Variants in CNTN5 observed in about 807,000 individuals in gnomAD.
The protein encoded by CNTN5 is contactin 5, also known as contactin-5.
In CNTN5, 77 loss-of-function variants were observed where a neutral mutation model predicts 129.1. The observed-to-expected ratio is 0.60, with a 90% CI of 0.50 to 0.72. The LOEUF (loss-of-function observed/expected upper bound fraction) is 0.72. Ranked by LOEUF, CNTN5 falls within the 30% of genes least tolerant of loss-of-function variation. CNTN5 has a pLI of 0.00. For missense variants in CNTN5, 1,478 were observed against 1,328.8 expected, an observed-to-expected ratio of 1.11 and a Z score of -1.75; for synonymous variants, 509 against 465.6, an observed-to-expected ratio of 1.09 and a Z score of -1.20.
rs11223676 is a variant in CNTN5, at chr11:100,333,059, C to T, written c.2731-7404C>T. Among the ~76,000 whole-genome samples the T allele has an allele frequency of 0.021, 3,235 of 151,982 alleles. 170 individuals carry two copies. In the East Asian group the frequency reaches 0.23, roughly 11 times the overall value. On this transcript the variant is annotated intron_variant, in intron 21 of 24. Coordinates refer to ENST00000524871, the MANE Select transcript of CNTN5 (RefSeq NM_014361.4). ...CATGAAGACAAAAAAGCTCCTAGAA[C>T]GGATAAATGAATTCATCATAGTTTC...
chr11:99,582,154 C>A (rs945152048), intron 3 of CNTN5, among the ~76,000 whole-genome samples: 15 of 152,068 alleles, frequency 9.9e-5, no homozygotes, highest in Non-Finnish European at 2.1e-4. Context: ...AATATTGGCC[C>A]CCACTCTCTT....
chr11:100,220,425 A>G (rs566743674), intron 15 of CNTN5, among the ~76,000 whole-genome samples: 2 of 152,324 alleles, frequency 1.3e-5, no homozygotes, highest in African/African-American at 4.8e-5. Context: ...GCTAGATAAG[A>G]TTTAGAAAAC....
intron 3 of CNTN5, among the ~76,000 whole-genome samples, chr11:99,759,330 G>C (rs746169546): frequency 5.9e-5 from 9 of 151,956 alleles, no homozygotes; most frequent in Non-Finnish European, 1.5e-5. Context: ...TTTTCTCACA[G>C]TACTTATTTT....
At chr11:99,980,894 G>A (rs1014135506) in intron 8 of CNTN5, among the ~76,000 whole-genome samples, 2 of 151,526 alleles carry the variant, frequency 1.3e-5, no homozygotes, top group African/African-American at 2.4e-5. Flanking sequence ...TTTTATCAAT[G>A]TCAAAGAGCT....
intron 3 of CNTN5, among the ~76,000 whole-genome samples, chr11:99,655,728 TACACCTATACAC>T (rs2135896964): frequency 6.6e-6 from 1 of 152,188 alleles, no homozygotes; most frequent in African/African-American, 2.4e-5. Context: ...TATACATACA[TACACCTATACAC>T]ACACATAGAT....
chr11:99,847,092 T>C (rs1288909422), intron 6 of CNTN5, among the ~76,000 whole-genome samples: 2 of 152,214 alleles, frequency 1.3e-5, no homozygotes. Flanking sequence ...ATACAAATAT[T>C]AGTGGCTTAT....
intron 18 of CNTN5, among the ~76,000 whole-genome samples, chr11:100,273,744 C>CCCG (rs1221845402): frequency 6.6e-6 from 1 of 152,170 alleles, no homozygotes; most frequent in Non-Finnish European, 1.5e-5. Context: ...CACCCAGGAA[C>CCCG]CCGCTAGCAC....
chr11:99,618,690 T>A (rs1036593170), intron 3 of CNTN5, among the ~76,000 whole-genome samples: 2 of 152,178 alleles, frequency 1.3e-5, no homozygotes, highest in Admixed American at 6.5e-5. Flanking sequence ...GATAAACATA[T>A]AATCTAGTTA....
chr11:99,358,015 T>C lies in CNTN5; in HGVS notation c.-71+32531T>C, dbSNP rs550153538. ...GGAGACTCTGTCTCAAAAATAATAA[T>C]AATAATAAAATAAATAAATAAAATA... On this transcript the variant is annotated intron_variant, in intron 2 of 24. Coordinates refer to ENST00000524871, the MANE Select transcript of CNTN5 (RefSeq NM_014361.4). 2.5e-4 allele frequency among the ~76,000 whole-genome samples: 36 copies of C among 142,892 alleles called. No individual in the cohort carries two copies. In the East Asian group the frequency reaches 7.5e-3, roughly 30 times the overall value. The allele number at this position is 142,892 out of a possible 152,430, so 93.7% of individuals were successfully genotyped here.
At chr11:99,977,835 A>T (rs576459926) in intron 8 of CNTN5, among the ~76,000 whole-genome samples, 1 of 152,362 alleles carries the variant, frequency 6.6e-6, no homozygotes, top group South Asian at 2.1e-4. Context: ...GCTCCCCATG[A>T]CATAACAAAT....
chr11:99,960,125 C>T (rs1950903823), intron 8 of CNTN5, among the ~76,000 whole-genome samples: 1 of 152,190 alleles, frequency 6.6e-6, no homozygotes, highest in Non-Finnish European at 1.5e-5. Flanking sequence ...GTCTTGGTTA[C>T]TCAAGCTTAA....
chr11:100,248,251 G>A (rs1949889790), intron 16 of CNTN5, among the ~76,000 whole-genome samples: 1 of 152,090 alleles, frequency 6.6e-6, no homozygotes, highest in Admixed American at 6.6e-5. Flanking sequence ...CTACTATATA[G>A]CAGAAACAAC....
Position 100,089,977 on chromosome 11 carries a change from G to T in CNTN5, c.1580+15683G>T, listed in dbSNP as rs185322230. Among the ~76,000 whole-genome samples the T allele has an allele frequency of 1.9e-3, 290 of 152,192 alleles. 1 individual carries two copies. Among genetic ancestry groups the T allele is most frequent in the Non-Finnish European group, 3.4e-3 (230 of 67,982 alleles). On this transcript the variant is annotated intron_variant, in intron 13 of 24. Coordinates refer to ENST00000524871, the MANE Select transcript of CNTN5 (RefSeq NM_014361.4). ...CCTAGGTGATGGGTTGACAGGTGCA[G>T]CAAACCACCATGGCAGACGTTTACC... is the stretch of plus-strand genomic sequence containing the variant.
chr11:99,976,840 C>A (rs201599411), intron 8 of CNTN5, among the ~76,000 whole-genome samples: 1 of 152,208 alleles, frequency 6.6e-6, no homozygotes, highest in Non-Finnish European at 1.5e-5. Flanking sequence ...ACATATAGCT[C>A]CTACTTAAGC....
rs200899470 is a variant in CNTN5 at position 99,956,977 on chromosome 11, G to A, written c.845G>A (p.Ser282Asn). The A allele has an allele frequency of 6.2e-7, 1 of 1,613,776 alleles. No homozygotes were observed. The change falls in exon 8 of 25, where the codon AGT becomes AAT. Residue 282 changes from serine to asparagine, a missense_variant. Coordinates refer to ENST00000524871, the MANE Select transcript of CNTN5 (RefSeq NM_014361.4). ...KNTVTNARVL[S>N]PPTPLTLRND... ...ACAGTGACGAATGCTAGAGTCCTTA[G>A]TCCTCCAACGCCACTCACTCTGCGT...
chr11:99,170,518 C>T (rs1202472227), intron 1 of CNTN5, among the ~76,000 whole-genome samples: 4 of 152,084 alleles, frequency 2.6e-5, no homozygotes, highest in Non-Finnish European at 5.9e-5. Flanking sequence ...GCTTCTAGTT[C>T]TGTTACGCCT....
intron 6 of CNTN5, among the ~76,000 whole-genome samples, chr11:99,883,412 A>T (rs987170765): frequency 3.9e-5 from 6 of 152,194 alleles, no homozygotes; most frequent in Non-Finnish European, 7.3e-5. Context: ...AGCCGTTTTA[A>T]CAGGGGTGAG....
chr11:100,322,241 T>A (rs1054552369), intron 21 of CNTN5, among the ~76,000 whole-genome samples: 5 of 151,992 alleles, frequency 3.3e-5, no homozygotes, highest in Non-Finnish European at 4.4e-5. Flanking sequence ...TTTTTTTTTT[T>A]AGACGGAGTC....
intron 21 of CNTN5, among the ~76,000 whole-genome samples, chr11:100,317,697 T>C (rs1409821377): frequency 3.3e-5 from 5 of 152,218 alleles, no homozygotes; most frequent in Non-Finnish European, 7.3e-5. Flanking sequence ...TGTTCTTTTC[T>C]TGTCCTATTG....
Sources: gnomAD v4.1 joint callset for allele counts (sites outside exome capture counted in the v4.1 genomes callset) on GRCh38, gnomAD v4.1.1 for gene constraint, MANE v1.5 for transcripts, NCBI Gene and HGNC (gene_info 2026-07-23, HGNC 2026-07-21) for gene names.